Variants in ZNF638 observed in about 807,000 individuals in gnomAD.
The protein encoded by ZNF638 is CTCL tumor antigen se33-1.
ZNF638 carries 46 observed loss-of-function variants against 195.6 expected under a neutral mutation model. That is an observed-to-expected ratio of 0.24 (90% confidence interval 0.19 to 0.30). The LOEUF (loss-of-function observed/expected upper bound fraction) is 0.30, where lower values mean the gene tolerates loss of function less well. Among genes scored for constraint, ZNF638 ranks in the 10% least tolerant of loss-of-function variants. The pLI is 1.00. For synonymous variants in ZNF638, 845 were observed against 772.0 expected (o/e 1.09, Z -1.57); for missense variants, 2,440 against 2,325.3 (o/e 1.05, Z -1.01).
intron 10 of ZNF638, among the ~76,000 whole-genome samples, chr2:71,392,566 C>G (rs2079804460): frequency 6.6e-6 from 1 of 152,158 alleles, no homozygotes; most frequent in Non-Finnish European, 1.5e-5. Context: ...GGTCAACATA[C>G]ACAGTTTTAT....
Position 71,350,066 on chromosome 2 carries a change from A to G in ZNF638, c.1112A>G (p.Lys371Arg). The change falls in exon 2 of 28, where the codon AAG becomes AGG. Residue 371 changes from lysine (K) to arginine (R), a missense_variant. Coordinates refer to ENST00000264447, the MANE Select transcript of ZNF638 (RefSeq NM_014497.5). Reference protein sequence around the residue: ...NVHVGSRGSKKNYQSQADIPI... With the variant: ...NVHVGSRGSKRNYQSQADIPI... ...CATGTTGGATCAAGAGGAAGTAAAAAGAATTACCAGTCACAGGCTGACATT... is the reference window on the plus strand; with the variant it reads ...CATGTTGGATCAAGAGGAAGTAAAAGGAATTACCAGTCACAGGCTGACATT... 1 of 1,614,218 alleles carries G rather than the reference A, an allele frequency of 6.2e-7. No individual in the cohort carries two copies. The highest frequency in any genetic ancestry group is 8.5e-7 in the Non-Finnish European group (1 of 1,180,038).
intron 10 of ZNF638, among the ~76,000 whole-genome samples, chr2:71,383,563 T>G (rs1573088566): frequency 2.5e-5 from 1 of 39,694 alleles, no homozygotes; most frequent in Non-Finnish European, 7.9e-5. Flanking sequence ...CTGGGTGGTT[T>G]TTTTTTTTTT....
Position 71,378,899 on chromosome 2 carries a change from G to A in ZNF638, c.2266-1323G>A, listed in dbSNP as rs2079484767. ...TAGAAAGGATGCTTGGGGATGGAGT[G>A]AAGAAGTATAGGAAGGAAGTGTATT... On this transcript the variant is annotated intron_variant, in intron 8 of 27. Transcript: ENST00000264447. Among the ~76,000 whole-genome samples the A allele has an allele frequency of 2.0e-5, 3 of 152,300 alleles. No individual in the cohort carries two copies. In the South Asian group the frequency reaches 6.2e-4, roughly 32 times the overall value.
rs1573168995 is a variant in ZNF638, at chr2:71,424,753, A to G, written c.4590+38A>G. ...TCACAGACCCTAACCCTTCTTTTTC[A>G]TCTCCATAGCACAGTTCATCTATCT... On this transcript the variant is annotated intron_variant, in intron 23 of 27. Transcript: ENST00000264447. 3.3e-6 allele frequency: 5 copies of G among 1,502,398 alleles called. No homozygotes were observed. In the East Asian group the frequency reaches 9.0e-5, roughly 27 times the overall value. The allele number at this position is 1,502,398 out of a possible 1,614,324, so 93.1% of individuals were successfully genotyped here.
intron 15 of ZNF638, among the ~76,000 whole-genome samples, 185 bp from the exon 16 acceptor site, chr2:71,401,769 AGT>A (rs1208092061): frequency 6.6e-6 from 1 of 151,966 alleles, no homozygotes; most frequent in Middle Eastern, 3.2e-3. Context: ...ACTCTTGAAG[AGT>A]GTAAATTTGC....
Position 71,423,851 on chromosome 2 carries a change from G to A in ZNF638, c.4337G>A (p.Arg1446Lys). 1.2e-6 allele frequency: 2 copies of A among 1,614,152 alleles called. No individual in the cohort carries two copies. The highest frequency in any genetic ancestry group is 1.1e-5 in the South Asian group (1 of 91,072). The change falls in exon 22 of 28, where the codon AGG becomes AAG. Residue 1446 changes from arginine (R) to lysine (K), a missense_variant. Arg to Lys is a conservative substitution (Grantham distance 26). Coordinates refer to ENST00000264447, the MANE Select transcript of ZNF638 (RefSeq NM_014497.5). Reference sequence around the variant, plus strand: ...GGTCTGCTTAAACCCACAAGTGCCAGGTCAGGCTTGGCAGAAAGCAGCAGT... The same window carrying A: ...GGTCTGCTTAAACCCACAAGTGCCAAGTCAGGCTTGGCAGAAAGCAGCAGT... ...EFGLLKPTSARSGLAESSSKF... is the reference protein window; with the variant it reads ...EFGLLKPTSAKSGLAESSSKF...
intron 1 of ZNF638, among the ~76,000 whole-genome samples, chr2:71,339,890 A>G (rs534435686): frequency 6.6e-6 from 1 of 152,258 alleles, no homozygotes; most frequent in African/African-American, 2.4e-5. Flanking sequence ...TCTGCGGGGG[A>G]GCATCATTTA....
intron 7 of ZNF638, among the ~76,000 whole-genome samples, chr2:71,369,108 G>A (rs1484747146): frequency 2.0e-5 from 3 of 152,148 alleles, no homozygotes; most frequent in African/African-American, 7.2e-5. Context: ...GCTGAGGCAG[G>A]TGGATCGCCT....
intron 1 of ZNF638, among the ~76,000 whole-genome samples, chr2:71,344,040 G>A (rs148602195): frequency 2.6e-4 from 39 of 152,364 alleles, no homozygotes; most frequent in African/African-American, 9.4e-4. Context: ...CGAGACAGGA[G>A]AATTGCTTGA....
rs765518639 is a variant in ZNF638, at chr2:71,349,279, C to T, written c.325C>T (p.His109Tyr). The part of the protein sequence containing the change: ...PHGSRWDDEP[H>Y]ISASVAVKQS... Reference sequence around the variant, plus strand: ...TGGTAGCCGGTGGGATGATGAGCCTCATATATCTGCATCAGTGGCAGTGAA... The same window carrying T: ...TGGTAGCCGGTGGGATGATGAGCCTTATATATCTGCATCAGTGGCAGTGAA... The change falls in exon 2 of 28, where the codon CAT becomes TAT. Residue 109 changes from histidine to tyrosine, a missense_variant. His to Tyr is a moderately conservative substitution (Grantham distance 83). Transcript: ENST00000264447. The T allele has an allele frequency of 8.1e-6, 13 of 1,614,094 alleles. No individual in the cohort carries two copies. The highest frequency in any genetic ancestry group is 9.3e-6 in the Non-Finnish European group (11 of 1,180,026).
chr2:71,386,847 C>G (rs1476530421), intron 10 of ZNF638, among the ~76,000 whole-genome samples: 1 of 151,794 alleles, frequency 6.6e-6, no homozygotes, highest in Non-Finnish European at 1.5e-5. Context: ...TTATAAGATG[C>G]CTTTTTTTTC....
At chr2:71,429,071 G>A (rs1231661285) in intron 25 of ZNF638, 1 of 156,938 alleles carries the variant, frequency 6.4e-6, no homozygotes, top group African/African-American at 2.4e-5. Flanking sequence ...TCACTCAGCA[G>A]ATACTTGTCA....
At chr2:71,354,613 G>C (rs1164516754) in intron 2 of ZNF638, among the ~76,000 whole-genome samples, 3 of 151,942 alleles carry the variant, frequency 2.0e-5, no homozygotes, top group Non-Finnish European at 4.4e-5. Flanking sequence ...GCACATGCCT[G>C]TTAATTCCAG....
intron 10 of ZNF638, chr2:71,393,258 A>G (rs1461277563): frequency 1.7e-6 from 1 of 604,430 alleles, no homozygotes; most frequent in Non-Finnish European, 3.0e-6. Flanking sequence ...TCAACTATAG[A>G]AAAGCACCTT....
Position 71,401,972 on chromosome 2 carries a change from G to A in ZNF638, c.2714G>A (p.Cys905Tyr). The A allele has an allele frequency of 6.3e-7, 1 of 1,587,518 alleles. No homozygotes were observed. The highest frequency in any genetic ancestry group is 8.6e-7 in the Non-Finnish European group (1 of 1,167,782). The change falls in exon 16 of 28, where the codon TGT becomes TAT. Residue 905 changes from cysteine (C) to tyrosine (Y), a missense_variant. By Grantham distance (194) the Cys-to-Tyr change is radical (BLOSUM62 -2). Around this residue, in one of 5 missense-constraint regions of ZNF638, gnomAD observed 1,883 missense variants for 1,739.1 expected, o/e 1.08. Transcript: ENST00000264447. ...GTTTTGAAGGAAACAGAAGAAATGT[G>A]TGTGATGCTTGTCTCTAATTTGCCT... Reference protein sequence around the residue: ...EPLNKETEEMCVMLVSNLPNK... With the variant: ...EPLNKETEEMYVMLVSNLPNK...
chr2:71,348,959 C>G lies in ZNF638; in HGVS notation c.5C>G (p.Ser2Trp). The G allele has an allele frequency of 6.2e-7, 1 of 1,614,110 alleles. No individual in the cohort carries two copies. The highest frequency in any genetic ancestry group is 8.5e-7 in the Non-Finnish European group (1 of 1,180,032). M[S>W]RPRFNPRGDF... ...CAGGCTTTCTTGAAAATAGCCATGTCGAGACCCAGGTTTAATCCTCGAGGA... is the reference window on the plus strand; with the variant it reads ...CAGGCTTTCTTGAAAATAGCCATGTGGAGACCCAGGTTTAATCCTCGAGGA... Residue 2 changes from serine to tryptophan, a missense_variant, in exon 2 of 28, where the codon TCG becomes TGG. Ser to Trp is a radical substitution (Grantham distance 177, BLOSUM62 -3). Coordinates refer to ENST00000264447, the MANE Select transcript of ZNF638 (RefSeq NM_014497.5).
At chr2:71,369,144 G>A (rs541795957) in intron 7 of ZNF638, among the ~76,000 whole-genome samples, 8 of 148,398 alleles carry the variant, frequency 5.4e-5, no homozygotes, top group Admixed American at 3.3e-4. Flanking sequence ...AGACCAGCCC[G>A]ACCAACATGG....
Position 71,349,516 on chromosome 2 carries a change from A to G in ZNF638, c.562A>G (p.Asn188Asp), listed in dbSNP as rs750738934. 1.9e-6 allele frequency: 3 copies of G among 1,614,158 alleles called. No individual in the cohort carries two copies. Among genetic ancestry groups the G allele is most frequent in the South Asian group, 1.1e-5 (1 of 91,078 alleles). ...GCGAAAAATGGGGCGCCGATTACCT[A>G]ATTTACCTTCTCAGAGCAGAAATAA... ...RMRKMGRRLP[N>D]LPSQSRNKET... The change falls in exon 2 of 28, where the codon AAT (asparagine) becomes GAT (aspartate). Residue 188 changes from asparagine to aspartate, a missense_variant. By Grantham distance (23) the Asn-to-Asp change is conservative (BLOSUM62 1). Transcript: ENST00000264447.
intron 8 of ZNF638, among the ~76,000 whole-genome samples, chr2:71,372,301 C>A (rs1265361176): frequency 6.6e-6 from 1 of 152,122 alleles, no homozygotes; most frequent in African/African-American, 2.4e-5. Flanking sequence ...GTGAGACTTG[C>A]CAAGAAATTC....
Sources: allele counts gnomAD v4.1 joint callset (sites outside exome capture counted in the v4.1 genomes callset), GRCh38; gene constraint gnomAD v4.1.1; regional missense constraint gnomAD v4.1.1; transcripts MANE v1.5; gene names NCBI Gene and HGNC (gene_info 2026-07-23, HGNC 2026-07-21).